FAS: variants seen among roughly 807,000 people sequenced by gnomAD.
The protein encoded by FAS is tumor necrosis factor receptor superfamily member 6.
Under a neutral mutation model 33.2 loss-of-function variants are expected in FAS, and 5 were observed. The observed-to-expected ratio is 0.15, with a 90% CI of 0.08 to 0.32. The LOEUF (loss-of-function observed/expected upper bound fraction) is 0.32. Among genes scored for constraint, FAS ranks in the 10% least tolerant of loss-of-function variants. FAS has a pLI of 1.00. For missense variants in FAS, 339 were observed against 386.0 expected, an observed-to-expected ratio of 0.88 and a Z score of 1.02; for synonymous variants, 131 against 130.7, an observed-to-expected ratio of 1.00 and a Z score of -0.01.
At chr10:88,988,961 T>G (rs967965362), upstream of FAS, among the ~76,000 whole-genome samples, 2 of 152,170 alleles carry the variant, frequency 1.3e-5, no homozygotes, top group African/African-American at 4.8e-5. Flanking sequence ...AACTTGAGGA[T>G]AATTAGACGT....
At chr10:89,012,287 C>T (rs1005179852) in intron 7 of FAS, 7 of 518,690 alleles carry the variant, frequency 1.3e-5, no homozygotes, top group Non-Finnish European at 2.4e-5. Flanking sequence ...AAGTGATCCT[C>T]CTGCCTCAAC....
At chr10:88,973,147 C>G (rs745323604) in intron 1 of FAS, 7 of 1,576,966 alleles carry the variant, frequency 4.4e-6, no homozygotes. Context: ...GCCTCCCAAT[C>G]CTCTCACCTT....
At chr10:88,982,514 T>TA (rs1267122066), upstream of FAS, among the ~76,000 whole-genome samples, 13 of 151,570 alleles carry the variant, frequency 8.6e-5, no homozygotes, top group East Asian at 2.3e-3. Context: ...ACGACAGAAA[T>TA]AAAAAAGGCA....
Position 89,014,018 on chromosome 10 carries a change from G to C in FAS, c.677-101G>C. 2.5e-6 allele frequency: 3 copies of C among 1,210,120 alleles called. No individual in the cohort carries two copies. The Admixed American group carries it at 6.0e-5, about 24-fold the overall frequency. The allele number at this position is 1,210,120 out of a possible 1,614,324, so 75.0% of individuals were successfully genotyped here. ...GCTCTTCATAGACCTTTAGGACTTA[G>C]CTATATTCTGAAGTACTATAAAAAG... On this transcript the variant is annotated intron_variant, in intron 8 of 8. Coordinates refer to ENST00000652046, the MANE Select transcript of FAS (RefSeq NM_000043.6).
Position 89,014,327 on chromosome 10 carries a change from T to G in FAS, c.885T>G (p.Ile295Met), listed in dbSNP as rs1170990745. Residue 295 changes from isoleucine (I) to methionine (M), a missense_variant, in exon 9 of 9, where the codon ATT becomes ATG. Ile to Met is a conservative substitution (Grantham distance 10). Around this residue, in one of 3 missense-constraint regions of FAS, gnomAD observed 52 missense variants for 52.7 expected, o/e 0.99. Coordinates refer to ENST00000652046, the MANE Select transcript of FAS (RefSeq NM_000043.6). The stretch of plus-strand genomic sequence containing the variant: ...AGAAAGAAGCGTATGACACATTGAT[T>G]AAAGATCTCAAAAAAGCCAATCTTT... ...HGKKEAYDTL[I>M]KDLKKANLCT... is the part of the protein sequence containing the mutation. 3.7e-6 allele frequency: 6 copies of G among 1,613,850 alleles called. No homozygotes were observed. The Admixed American group carries it at 1.0e-4, about 27-fold the overall frequency.
intron 1 of FAS, among the ~76,000 whole-genome samples, chr10:88,998,676 T>G (rs1847744601): frequency 6.6e-6 from 1 of 152,250 alleles, no homozygotes; most frequent in Non-Finnish European, 1.5e-5. Context: ...GATGCATGAC[T>G]GTGGGCCAGT....
intron 1 of FAS, among the ~76,000 whole-genome samples, chr10:88,997,277 A>G (rs2133433791): frequency 6.6e-6 from 1 of 152,320 alleles, no homozygotes; most frequent in East Asian, 1.9e-4. Flanking sequence ...ATGCATCACT[A>G]CAGGATTCTG....
chr10:88,967,526 T>G (rs1846340957), intron 1 of FAS, among the ~76,000 whole-genome samples: 1 of 152,204 alleles, frequency 6.6e-6, no homozygotes, highest in Admixed American at 6.5e-5. Flanking sequence ...CACTAACCCA[T>G]GCTTACATGC....
rs921017330 is a variant in FAS, at chr10:89,015,842, T to C, written c.*1392T>C. On this transcript the variant is annotated 3_prime_UTR_variant, in exon 9 of 9. Coordinates refer to ENST00000652046, the MANE Select transcript of FAS (RefSeq NM_000043.6). ...GCTTTTTGGTTTTGTCTTCCTTTTC[T>C]CTAACTGATGCTAAATATAACTTGT... is the stretch of plus-strand genomic sequence containing the variant. 2.3e-6 allele frequency: 1 copy of C among 426,734 alleles called. No individual in the cohort carries two copies. The highest frequency in any genetic ancestry group is 2.0e-5 in the African/African-American group (1 of 50,330). 26.4% of individuals were successfully genotyped at this position (426,734 alleles called of 1,614,324 possible). A position where few individuals can be genotyped will look rare whatever the true frequency, so the allele number is the denominator to read the frequency against.
chr10:89,011,911 C>T lies in FAS; in HGVS notation c.569-88C>T, dbSNP rs1848547090. ...TTCACTGAATTTCTCCTTTTTCCTT[C>T]TTATATTTCTCTTAGTGTGAAAGTA... On this transcript the variant is annotated intron_variant, in intron 6 of 8. Transcript: ENST00000652046. 8 of 1,198,348 alleles carry T rather than the reference C, an allele frequency of 6.7e-6. No individual in the cohort carries two copies. In the Admixed American group the frequency reaches 7.7e-5, roughly 12 times the overall value. The allele number at this position is 1,198,348 out of a possible 1,614,324, so 74.2% of individuals were successfully genotyped here.
chr10:88,965,663 AAT>A (rs199557885), intron 1 of FAS, among the ~76,000 whole-genome samples: 54,676 of 151,496 alleles, frequency 0.36, 10,354 homozygotes, highest in African/African-American at 0.4. Flanking sequence ...AAGCCATTAT[AAT>A]GCAAAGCATC....
At chr10:89,012,313 A>G in intron 7 of FAS, 1 of 471,552 alleles carries the variant, frequency 2.1e-6, no homozygotes, top group Non-Finnish European at 3.9e-6. Flanking sequence ...CCCTGGGACT[A>G]CAGGCATGCA....
At chr10:89,013,319 C>A in intron 7 of FAS, 24 bp from the exon 8 acceptor site, 2 of 1,606,872 alleles carry the variant, frequency 1.2e-6, no homozygotes, top group Non-Finnish European at 8.5e-7. Flanking sequence ...TTGTCTTTCT[C>A]TGCTTCCATT....
upstream of FAS, chr10:88,989,345 A>AT (rs1847029310): frequency 1.7e-5 from 4 of 233,322 alleles, no homozygotes; most frequent in African/African-American, 5.0e-5. Flanking sequence ...TTCTTTTTAC[A>AT]TTTTTTTATT....
intron 8 of FAS, 56 bp downstream of exon 8, chr10:89,013,423 A>T (rs886239110): frequency 1.3e-5 from 19 of 1,484,780 alleles, no homozygotes; most frequent in Non-Finnish European, 1.8e-5. Flanking sequence ...GTAATAGGCC[A>T]ATTTCAGAGT....
intron 2 of FAS, among the ~76,000 whole-genome samples, chr10:88,975,939 T>A (rs997379296): frequency 6.6e-6 from 1 of 152,184 alleles, no homozygotes; most frequent in African/African-American, 2.4e-5. Context: ...TTCTTTCCTC[T>A]TCATTTGGCT....
upstream of FAS, among the ~76,000 whole-genome samples, chr10:88,982,428 CTT>C (rs951815486): frequency 6.9e-6 from 1 of 144,718 alleles, no homozygotes. Context: ...GTGTTTTTTT[CTT>C]TTTTTTTTTG....
At position 88,990,816 on chromosome 10, in the gene FAS, G is replaced by C; in HGVS notation, c.-61G>C. 1 of 1,612,208 alleles carries C rather than the reference G, an allele frequency of 6.2e-7. No individual in the cohort carries two copies. The highest frequency in any genetic ancestry group is 8.5e-7 in the Non-Finnish European group (1 of 1,178,342). On this transcript the variant is annotated 5_prime_UTR_variant, in exon 1 of 9. Transcript: ENST00000652046. The surrounding 1 kb of genome is among the most constrained non-coding windows in gnomAD (Gnocchi z 4.9). ...GAGCTGCCTCTTCTCCCGCGGGTTG[G>C]TGGACCCGCTCAGTACGGAGTTGGG...
chr10:88,983,609 CAAAAAAAAAA>C (rs71022549), upstream of FAS, among the ~76,000 whole-genome samples: 13 of 46,452 alleles, frequency 2.8e-4, no homozygotes, highest in South Asian at 1.1e-3. Flanking sequence ...ACAGGTTATG[CAAAAAAAAAA>C]AAAAAAAAAA....
Sources: gnomAD v4.1 joint callset for allele counts (sites outside exome capture counted in the v4.1 genomes callset) on GRCh38, gnomAD v4.1.1 for gene constraint, gnomAD v4.1.1 regional missense constraint, Gnocchi (gnomAD v3.1) non-coding constraint, MANE v1.5 for transcripts, NCBI Gene and HGNC (gene_info 2026-07-23, HGNC 2026-07-21) for gene names.